Variants in DENND4B observed in about 807,000 individuals in gnomAD.
DENND4B encodes the protein DENN domain-containing protein 4B.
In DENND4B, 67 loss-of-function variants were observed where a neutral mutation model predicts 161.0. That is an observed-to-expected ratio of 0.42 (90% CI 0.34 to 0.51). DENND4B has a LOEUF of 0.51. DENND4B is among the 20% of genes least tolerant of loss of function. The pLI, the probability that DENND4B is intolerant of heterozygous loss-of-function variation, is 0.08. For missense variants in DENND4B, 1,481 were observed against 1,968.0 expected (o/e 0.75, Z 4.68); for synonymous variants, 753 against 813.8 (o/e 0.93, Z 1.27).
chr1:153,940,775 A>C lies in DENND4B; in HGVS notation c.1326+129T>G. On this transcript the variant is annotated intron_variant, in intron 9 of 27. Transcript: ENST00000361217. This position sits in a 1 kb window ranked among gnomAD's most constrained non-coding sequence, Gnocchi z 5.6. ...CCTGATGGAAGCTATGTGTTCCTGCAGGCTGTGCCCAGGGAAAGGGGCTGA... is the reference window on the plus strand; with the variant it reads ...CCTGATGGAAGCTATGTGTTCCTGCCGGCTGTGCCCAGGGAAAGGGGCTGA... 6.9e-7 allele frequency: 1 copy of C among 1,450,720 alleles called. No homozygotes were observed. The allele number at this position is 1,450,720 out of a possible 1,614,324, so 89.9% of individuals were successfully genotyped here.
In DENND4B at chr1:153,933,819, G is replaced by A. The variant is rs749099733; in HGVS notation, c.2994C>T (p.His998=). The A allele has an allele frequency of 5.0e-6, 8 of 1,613,184 alleles. No homozygotes were observed. Among genetic ancestry groups the A allele is most frequent in the South Asian group, 2.2e-5 (2 of 91,054 alleles). Residue 998 remains histidine, a synonymous_variant, in exon 20 of 28, where the codon CAC becomes CAT. Coordinates refer to ENST00000361217, the MANE Select transcript of DENND4B (RefSeq NM_014856.3). This position sits in a 1 kb window ranked among gnomAD's most constrained non-coding sequence, Gnocchi z 5.7. The part of the protein sequence containing the change: ...LEPRGSPVPW[H]DGSLSDLSLT... ...GGCTCAGGTCTGAGAGACTTCCATC[G>A]TGCCAGGGCACAGGTGATCCCCGGG...
At position 153,930,248 on chromosome 1, in the gene DENND4B, C is replaced by G. The variant is rs1265452454; in HGVS notation, c.*49G>C. 3 of 1,584,712 alleles carry G rather than the reference C, an allele frequency of 1.9e-6. No individual in the cohort carries two copies. In the South Asian group the frequency reaches 3.4e-5, roughly 18 times the overall value. On this transcript the variant is annotated 3_prime_UTR_variant, in exon 28 of 28. Coordinates refer to ENST00000361217, the MANE Select transcript of DENND4B (RefSeq NM_014856.3). This position sits in a 1 kb window ranked among gnomAD's most constrained non-coding sequence, Gnocchi z 4.7. ...GGGAAGCAGTTTAACTCTAGAATCC[C>G]TTCTTCCTCACTTCCCCACCCTAGG...
At position 153,933,751 on chromosome 1, in the gene DENND4B, G is replaced by A; in HGVS notation, c.3062C>T (p.Ser1021Leu). 6.2e-7 allele frequency: 1 copy of A among 1,603,228 alleles called. No homozygotes were observed. The highest frequency in any genetic ancestry group is 8.5e-7 in the Non-Finnish European group (1 of 1,175,454). Residue 1021 changes from serine (S) to leucine (L), a missense_variant, in exon 20 of 28, where the codon TCA becomes TTA. Physicochemically the swap from Ser to Leu is moderately radical, Grantham distance 145 (BLOSUM62 -2). This residue lies in a region of DENND4B where 339 missense variants were observed against 330.3 expected (regional missense o/e 1.03). Coordinates refer to ENST00000361217, the MANE Select transcript of DENND4B (RefSeq NM_014856.3). The surrounding 1 kb of genome is among the most constrained non-coding windows in gnomAD (Gnocchi z 5.7). ...EPLPGGSPGG[S>L]GSALSAQSTE... ...GGACTGGGCACTCAGGGCTGAGCCT[G>A]AGCCCCCTGGGCTGCCTCCAGGGAG...
Position 153,934,441 on chromosome 1 carries a change from G to C in DENND4B, c.2774-139C>G. On this transcript the variant is annotated intron_variant, in intron 18 of 27. Transcript: ENST00000361217. This position sits in a 1 kb window ranked among gnomAD's most constrained non-coding sequence, Gnocchi z 5.3. ...TTATCCGTTTTGTGTTTGTTTGTTT[G>C]TTTGTTTTGTTTTGTTTTTTGAGAT... 1 of 1,271,932 alleles carries C rather than the reference G, an allele frequency of 7.9e-7. No individual in the cohort carries two copies. The highest frequency in any genetic ancestry group is 1.1e-6 in the Non-Finnish European group (1 of 933,152). 78.8% of individuals were successfully genotyped at this position (1,271,932 alleles called of 1,614,324 possible). A position where few individuals can be genotyped will look rare whatever the true frequency, so the allele number is the denominator to read the frequency against.
chr1:153,943,251 C>G, intron 2 of DENND4B, 121 bp from the exon 3 acceptor site: 3 of 1,369,876 alleles, frequency 2.2e-6, no homozygotes, highest in Non-Finnish European at 3.0e-6. Context: ...TTGTCAAACT[C>G]TAACACTAGG....
At position 153,936,828 on chromosome 1, in the gene DENND4B, C is replaced by T. The variant is rs952173624; in HGVS notation, c.2233-80G>A. 4.6e-5 allele frequency: 61 copies of T among 1,334,740 alleles called. No homozygotes were observed. The highest frequency in any genetic ancestry group is 1.9e-4 in the Middle Eastern group (1 of 5,252). 82.7% of individuals were successfully genotyped at this position (1,334,740 alleles called of 1,614,324 possible). A position where few individuals can be genotyped will look rare whatever the true frequency, so the allele number is the denominator to read the frequency against. ...TATCTATTTATTTATTTATTTATGA[C>T]GGTCTCGCTCTGTCACCCAGGCTGG... On this transcript the variant is annotated intron_variant, in intron 15 of 27. Transcript: ENST00000361217. This position sits in a 1 kb window ranked among gnomAD's most constrained non-coding sequence, Gnocchi z 4.1.
At chr1:153,945,241 C>A in intron 1 of DENND4B, 1 of 1,178,248 alleles carries the variant, frequency 8.5e-7, no homozygotes, top group East Asian at 5.8e-5. Flanking sequence ...AGCAGGGGCC[C>A]AGAAGCGTGG....
Position 153,940,226 on chromosome 1 carries a change from C to G in DENND4B, c.1533G>C (p.Arg511=). 2 of 1,602,230 alleles carry G rather than the reference C, an allele frequency of 1.2e-6. No homozygotes were observed. The highest frequency in any genetic ancestry group is 2.7e-5 in the African/African-American group (2 of 74,302). ...CCTTGTAGGGTCTGCGGGGCAGGGTCCGAGGGGAGAGGAGCTTCTTTTCCT... is the reference window on the plus strand; with the variant it reads ...CCTTGTAGGGTCTGCGGGGCAGGGTGCGAGGGGAGAGGAGCTTCTTTTCCT... The part of the protein sequence containing the change: ...QTEEKKLLSP[R]TLPRRPYKVL... Residue 511 remains arginine (R), a synonymous_variant, in exon 11 of 28, where the codon CGG becomes CGC. Coordinates refer to ENST00000361217, the MANE Select transcript of DENND4B (RefSeq NM_014856.3). This position sits in a 1 kb window ranked among gnomAD's most constrained non-coding sequence, Gnocchi z 5.6.
In DENND4B at chr1:153,937,673, C is replaced by G; in HGVS notation, c.2105+51G>C. 1.9e-6 allele frequency: 3 copies of G among 1,613,356 alleles called. No individual in the cohort carries two copies. The highest frequency in any genetic ancestry group is 2.5e-6 in the Non-Finnish European group (3 of 1,179,388). On this transcript the variant is annotated intron_variant, in intron 14 of 27. Transcript: ENST00000361217. This position sits in a 1 kb window ranked among gnomAD's most constrained non-coding sequence, Gnocchi z 4.7. ...TCAGCACAGGGCGAAGCGAGTTGGA[C>G]TGGACCAGTCTATGGGACCCTGGAA...
chr1:153,936,302 C>T lies in DENND4B; in HGVS notation c.2440-114G>A. 6.9e-7 allele frequency: 1 copy of T among 1,452,816 alleles called. No individual in the cohort carries two copies. The highest frequency in any genetic ancestry group is 9.3e-7 in the Non-Finnish European group (1 of 1,077,622). The allele number at this position is 1,452,816 out of a possible 1,614,324, so 90.0% of individuals were successfully genotyped here. ...TCTCACAGACATCACTGGCCCCTGG[C>T]AGGTCCTGGGGCTACCTCAGAGCCA... On this transcript the variant is annotated intron_variant, in intron 16 of 27. Coordinates refer to ENST00000361217, the MANE Select transcript of DENND4B (RefSeq NM_014856.3). The surrounding 1 kb of genome is among the most constrained non-coding windows in gnomAD (Gnocchi z 4.1).
chr1:153,940,304 G>T lies in DENND4B; in HGVS notation c.1503-48C>A. On this transcript the variant is annotated intron_variant, in intron 10 of 27. Transcript: ENST00000361217. This position sits in a 1 kb window ranked among gnomAD's most constrained non-coding sequence, Gnocchi z 5.6. Reference sequence around the variant, plus strand: ...AAGAGTGGCGAGGCTCTGGGATAGGGTGACGGGGTTCCTTGCCAGCCTCCC... The same window carrying T: ...AAGAGTGGCGAGGCTCTGGGATAGGTTGACGGGGTTCCTTGCCAGCCTCCC... 1.9e-6 allele frequency: 3 copies of T among 1,568,134 alleles called. No homozygotes were observed. Among genetic ancestry groups the T allele is most frequent in the Non-Finnish European group, 2.6e-6 (3 of 1,154,056 alleles).
In DENND4B at chr1:153,932,613, T is replaced by A; in HGVS notation, c.3759+29A>T. 6.3e-7 allele frequency: 1 copy of A among 1,599,010 alleles called. No homozygotes were observed. Among genetic ancestry groups the A allele is most frequent in the East Asian group, 2.2e-5 (1 of 44,592 alleles). ...GCCCCACACAGGGCAACATTCCCGTTCCTCATGCCCCTTTGGCCCAGCCCT... is the reference window on the plus strand; with the variant it reads ...GCCCCACACAGGGCAACATTCCCGTACCTCATGCCCCTTTGGCCCAGCCCT... On this transcript the variant is annotated intron_variant, in intron 23 of 27. Transcript: ENST00000361217. This position sits in a 1 kb window ranked among gnomAD's most constrained non-coding sequence, Gnocchi z 5.8.
rs746710676 is a variant in DENND4B, at chr1:153,941,987, G to A, written c.937C>T (p.Arg313Cys). 1.2e-6 allele frequency: 2 copies of A among 1,612,128 alleles called. No individual in the cohort carries two copies. The highest frequency in any genetic ancestry group is 8.5e-7 in the Non-Finnish European group (1 of 1,179,562). Residue 313 changes from arginine to cysteine, a missense_variant, in exon 6 of 28, where the codon CGC becomes TGC. Around this residue, in one of 3 missense-constraint regions of DENND4B, gnomAD observed 806 missense variants for 1,134.4 expected, o/e 0.71. Transcript: ENST00000361217. ...RGRALGGRAV[R>C]SRRAIAVLSR... ...AGCACAGCGATGGCACGCCGGCTGC[G>A]CACAGCTCTGCCCCCCAGTGCCCGA... is the stretch of plus-strand genomic sequence containing the variant.
rs764447480 is a variant in DENND4B, at chr1:153,941,820, C to G, written c.1055+49G>C. ...TGAATCTCTCCCATCTCTCCTGGCC[C>G]CCTTATCCCTTCCTAACCCCTTCCC... On this transcript the variant is annotated intron_variant, in intron 6 of 27. Transcript: ENST00000361217. The G allele has an allele frequency of 3.1e-6, 5 of 1,604,186 alleles. No homozygotes were observed. The Admixed American group carries it at 8.4e-5, about 27-fold the overall frequency.
At position 153,936,297 on chromosome 1, in the gene DENND4B, C is replaced by T; in HGVS notation, c.2440-109G>A. ...CCAATTCTCACAGACATCACTGGCC[C>T]CTGGCAGGTCCTGGGGCTACCTCAG... On this transcript the variant is annotated intron_variant, in intron 16 of 27. Transcript: ENST00000361217. This position sits in a 1 kb window ranked among gnomAD's most constrained non-coding sequence, Gnocchi z 4.1. 2 of 1,462,312 alleles carry T rather than the reference C, an allele frequency of 1.4e-6. No homozygotes were observed. Among genetic ancestry groups the T allele is most frequent in the Non-Finnish European group, 1.8e-6 (2 of 1,086,546 alleles). 90.6% of individuals were successfully genotyped at this position (1,462,312 alleles called of 1,614,324 possible).
intron 13 of DENND4B, among the ~76,000 whole-genome samples, chr1:153,938,429 G>A (rs1221134806): frequency 1.3e-4 from 18 of 140,138 alleles, no homozygotes; most frequent in African/African-American, 4.9e-4. Flanking sequence ...AAAGCCAGGC[G>A]CGGTGGCTAA....
intron 8 of DENND4B, 81 bp from the exon 9 acceptor site, chr1:153,941,129 C>A: frequency 6.4e-7 from 1 of 1,569,194 alleles, no homozygotes; most frequent in African/African-American, 1.4e-5. Flanking sequence ...CAGCCACCAC[C>A]TGGACCCAGC....
In DENND4B at chr1:153,942,821, T is replaced by G; in HGVS notation, c.570+57A>C. On this transcript the variant is annotated intron_variant, in intron 3 of 27. Coordinates refer to ENST00000361217, the MANE Select transcript of DENND4B (RefSeq NM_014856.3). This position sits in a 1 kb window ranked among gnomAD's most constrained non-coding sequence, Gnocchi z 6.9. ...GTCCTGGGATGCCCTTTGTTCCCAG[T>G]GTCCACACCCACTCTTACACCAAGA... is the stretch of plus-strand genomic sequence containing the variant. 2.6e-6 allele frequency: 4 copies of G among 1,543,126 alleles called. No individual in the cohort carries two copies. In the Admixed American group the frequency reaches 7.6e-5, roughly 29 times the overall value.
chr1:153,946,348 G>GGGCGAGCT lies in DENND4B; in HGVS notation c.-79_-72dup, dbSNP rs1203535288. 1.1e-5 allele frequency: 4 copies of GGGCGAGCT among 373,208 alleles called. No individual in the cohort carries two copies. The highest frequency in any genetic ancestry group is 7.8e-5 in the East Asian group (2 of 25,698). 23.1% of individuals were successfully genotyped at this position (373,208 alleles called of 1,614,324 possible). ...CCGGCCCGCTGGCGGGTGGCTCGGAGGGCGAGCTGGCGGGCCGGCGGGCGG... is the reference window on the plus strand; with the variant it reads ...CCGGCCCGCTGGCGGGTGGCTCGGAGGGCGAGCTGGCGAGCTGGCGGGCCGGCGGGCGG... On this transcript the variant is annotated 5_prime_UTR_variant, in exon 1 of 28. Transcript: ENST00000361217. The surrounding 1 kb of genome is among the most constrained non-coding windows in gnomAD (Gnocchi z 6.3).
Sources: gnomAD v4.1 joint callset for allele counts (sites outside exome capture counted in the v4.1 genomes callset) on GRCh38, gnomAD v4.1.1 for gene constraint, gnomAD v4.1.1 regional missense constraint, Gnocchi (gnomAD v3.1) non-coding constraint, MANE v1.5 for transcripts, NCBI Gene and HGNC (gene_info 2026-07-23, HGNC 2026-07-21) for gene names.